AFDN: variants seen among roughly 807,000 people sequenced by gnomAD.
AFDN encodes the protein afadin.
Under a neutral mutation model 216.6 loss-of-function variants are expected in AFDN, and 68 were observed. The observed-to-expected ratio is 0.31, with a 90% CI of 0.26 to 0.38. AFDN has a LOEUF of 0.38. AFDN is among the 10% of genes least tolerant of loss of function. AFDN has a pLI of 1.00. For synonymous variants in AFDN, 868 were observed against 853.7 expected, an observed-to-expected ratio of 1.02 and a Z score of -0.29; for missense variants, 2,136 against 2,342.0, an observed-to-expected ratio of 0.91 and a Z score of 1.82.
Position 167,951,382 on chromosome 6 carries a change from C to T in AFDN, c.4028C>T (p.Thr1343Ile), listed in dbSNP as rs1416249148. ...SKSVTPASTL[T>I]KSGPGRWKTP... ...TCGGTCACCCCTGCTTCCACACTGA[C>T]CAAAAGTGGCCCTGGCCGTTGGAAA... The change falls in exon 30 of 34, where the codon ACC becomes ATC. Residue 1343 changes from threonine to isoleucine, a missense_variant. Physicochemically the swap from Thr to Ile is moderately conservative, Grantham distance 89. Transcript: ENST00000683244. The surrounding 1 kb of genome is among the most constrained non-coding windows in gnomAD (Gnocchi z 7.1). 2.5e-6 allele frequency: 4 copies of T among 1,614,054 alleles called. No homozygotes were observed. The highest frequency in any genetic ancestry group is 4.5e-5 in the East Asian group (2 of 44,868).
Position 167,962,383 on chromosome 6 carries a change from C to G in AFDN, c.4834-50C>G, listed in dbSNP as rs772769524. 4.5e-5 allele frequency: 73 copies of G among 1,609,288 alleles called. No individual in the cohort carries two copies. Among genetic ancestry groups the G allele is most frequent in the Non-Finnish European group, 5.9e-5 (70 of 1,177,810 alleles). ...TTGTCTTAATGTGTGCATTTTATGT[C>G]TTGTGCTGGTGGAGTTTGTGGAGGG... On this transcript the variant is annotated intron_variant, in intron 30 of 33. Transcript: ENST00000683244. The surrounding 1 kb of genome is among the most constrained non-coding windows in gnomAD (Gnocchi z 5.2).
intron 30 of AFDN, among the ~76,000 whole-genome samples, chr6:167,956,370 A>G (rs980816597): frequency 6.6e-6 from 1 of 152,090 alleles, no homozygotes; most frequent in Non-Finnish European, 1.5e-5. Flanking sequence ...GCTGAGTTTC[A>G]TAAAGTTGGG....
At chr6:167,918,458 C>A (rs1370952702) in intron 20 of AFDN, among the ~76,000 whole-genome samples, 1 of 150,902 alleles carries the variant, frequency 6.6e-6, no homozygotes, top group Non-Finnish European at 1.5e-5. Context: ...TGAACAATTT[C>A]TTTTTATTTA....
chr6:167,876,925 G>T (rs1785455097), intron 5 of AFDN, among the ~76,000 whole-genome samples: 1 of 152,164 alleles, frequency 6.6e-6, no homozygotes, highest in South Asian at 2.1e-4. Flanking sequence ...TAAGCTAGGG[G>T]TTTAGAAGGC....
chr6:167,951,341 G>A lies in AFDN; in HGVS notation c.3987G>A (p.Leu1329=), dbSNP rs760164523. 28 of 1,614,004 alleles carry A rather than the reference G, an allele frequency of 1.7e-5. No homozygotes were observed. The African/African-American group carries it at 2.9e-4, about 17-fold the overall frequency. The change falls in exon 30 of 34, where the codon CTG becomes CTA. Residue 1329 remains leucine, a synonymous_variant. Transcript: ENST00000683244. This position sits in a 1 kb window ranked among gnomAD's most constrained non-coding sequence, Gnocchi z 7.1. ...LDSSTSSQEH[L]NHSSKSVTPA... is the part of the protein sequence containing the mutation. ...CCAGTACCTCTAGCCAGGAGCATCT[G>A]AACCATTCCTCTAAGTCGGTCACCC...
In AFDN at chr6:167,897,198, AT is replaced by A. The variant is rs1387231024; in HGVS notation, c.1317+228del. 3.9e-5 allele frequency among the ~76,000 whole-genome samples: 6 copies of A among 152,334 alleles called. No individual in the cohort carries two copies. In the East Asian group the frequency reaches 1.2e-3, roughly 29 times the overall value. On this transcript the variant is annotated intron_variant, in intron 10 of 33. Transcript: ENST00000683244. ...TCTAGAAATTTGGGCTGGTGATGAC[AT>A]TGCTCTGAAACTGCTTCCTTTTCTC...
intron 23 of AFDN, among the ~76,000 whole-genome samples, chr6:167,934,125 C>T (rs1426381011): frequency 2.0e-5 from 3 of 152,204 alleles, no homozygotes; most frequent in Admixed American, 1.3e-4. Flanking sequence ...ATGTCGCGTG[C>T]GGTCTTTGGG....
At chr6:167,829,839 T>C (rs1779634549) in intron 1 of AFDN, among the ~76,000 whole-genome samples, 1 of 152,242 alleles carries the variant, frequency 6.6e-6, no homozygotes, top group African/African-American at 2.4e-5. Flanking sequence ...TTACATTCTT[T>C]TTTTAAGAAA....
At chr6:167,915,835 A>G (rs1319354754) in intron 19 of AFDN, among the ~76,000 whole-genome samples, 1 of 152,256 alleles carries the variant, frequency 6.6e-6, no homozygotes, top group Non-Finnish European at 1.5e-5. Context: ...GTATGAAATT[A>G]CCTTCAGTCT....
At chr6:167,897,855 A>G (rs997129723) in intron 10 of AFDN, among the ~76,000 whole-genome samples, 3 of 151,982 alleles carry the variant, frequency 2.0e-5, no homozygotes, top group African/African-American at 7.3e-5. Flanking sequence ...CATGTTGGCC[A>G]GGATAGTCTC....
At position 167,966,042 on chromosome 6, in the gene AFDN, G is replaced by A. The variant is rs1349089953; in HGVS notation, c.5254G>A (p.Ala1752Thr). ...GGAGGAGGAGGAGGACTGCAGCCTA[G>A]CAGGTCAGGATAAGTACTCCAGCAC... ...EEEEEEDCSL[A>T]GPNSYPGSTG... is the part of the protein sequence containing the mutation. Residue 1752 changes from alanine (A) to threonine (T), a missense_variant, in exon 32 of 34, where the codon GCA becomes ACA. This residue lies in a region of AFDN where 981 missense variants were observed against 966.0 expected (regional missense o/e 1.02). Coordinates refer to ENST00000683244, the MANE Select transcript of AFDN (RefSeq NM_001386888.1). 6.5e-7 allele frequency: 1 copy of A among 1,544,722 alleles called. No homozygotes were observed. Among genetic ancestry groups the A allele is most frequent in the Admixed American group, 2.0e-5 (1 of 51,012 alleles).
Position 167,962,618 on chromosome 6 carries a change from A to T in AFDN, c.4968+51A>T, listed in dbSNP as rs780049253. On this transcript the variant is annotated intron_variant, in intron 31 of 33. Coordinates refer to ENST00000683244, the MANE Select transcript of AFDN (RefSeq NM_001386888.1). This position sits in a 1 kb window ranked among gnomAD's most constrained non-coding sequence, Gnocchi z 5.2. Reference sequence around the variant, plus strand: ...AATTTTACCAAGTTAGCCTGAACGTAATCGATTGGCTGGGGCAGAGCGGGC... The same window carrying T: ...AATTTTACCAAGTTAGCCTGAACGTTATCGATTGGCTGGGGCAGAGCGGGC... 3.7e-6 allele frequency: 6 copies of T among 1,611,984 alleles called. No homozygotes were observed. Among genetic ancestry groups the T allele is most frequent in the African/African-American group, 2.7e-5 (2 of 75,008 alleles).
intron 31 of AFDN, among the ~76,000 whole-genome samples, chr6:167,965,273 A>G (rs1048669472): frequency 1.3e-5 from 2 of 152,104 alleles, no homozygotes; most frequent in Non-Finnish European, 2.9e-5. Flanking sequence ...ATGGGGGCTC[A>G]GTGAAAAAGA....
chr6:167,962,526 C>A lies in AFDN; in HGVS notation c.4927C>A (p.Arg1643=), dbSNP rs368769724. The A allele has an allele frequency of 1.4e-5, 22 of 1,613,596 alleles. No homozygotes were observed. The African/African-American group carries it at 2.3e-4, about 17-fold the overall frequency. The change falls in exon 31 of 34, where the codon CGG becomes AGG. Residue 1643 remains arginine (R), a synonymous_variant. Transcript: ENST00000683244. The surrounding 1 kb of genome is among the most constrained non-coding windows in gnomAD (Gnocchi z 5.2). ...AGCGAGGCAAGAGGAAGAGCGCCGGCGGCAGGAGGAGGAGCGAACAAAACG... is the reference window on the plus strand; with the variant it reads ...AGCGAGGCAAGAGGAAGAGCGCCGGAGGCAGGAGGAGGAGCGAACAAAACG... ...DRARQEEERR[R]QEEERTKRDA... is the part of the protein sequence containing the mutation.
chr6:167,880,491 A>T lies in AFDN; in HGVS notation c.871A>T (p.Asn291Tyr). The T allele has an allele frequency of 6.2e-7, 1 of 1,613,790 alleles. No homozygotes were observed. The highest frequency in any genetic ancestry group is 1.3e-5 in the African/African-American group (1 of 75,020). Residue 291 changes from asparagine (N) to tyrosine (Y), a missense_variant, in exon 6 of 34, where the codon AAC becomes TAC. This residue lies in a region of AFDN where 817 missense variants were observed against 965.7 expected (regional missense o/e 0.85). Coordinates refer to ENST00000683244, the MANE Select transcript of AFDN (RefSeq NM_001386888.1). ...ALEKYGLEKE[N>Y]PKDYCIARVM... Reference sequence around the variant, plus strand: ...AGAGAAGTATGGTCTGGAAAAAGAAAACCCTAAGGATTACTGCATCGCCCG... The same window carrying T: ...AGAGAAGTATGGTCTGGAAAAAGAATACCCTAAGGATTACTGCATCGCCCG...
At chr6:167,826,567 C>T, upstream of AFDN, 2 of 527,604 alleles carry the variant, frequency 3.8e-6, no homozygotes, top group South Asian at 2.8e-5. Flanking sequence ...CGTCCGGACT[C>T]TGCACCGCGC....
rs556682177 is a variant in AFDN at position 167,873,450 on chromosome 6, G to A, written c.578+1073G>A. Among the ~76,000 whole-genome samples the A allele has an allele frequency of 4.6e-5, 7 of 152,278 alleles. No homozygotes were observed. The South Asian group carries it at 1.2e-3, about 27-fold the overall frequency. ...TTTATGTAACTAGTCCATTTTTGGTGTACTTATAGATTGTTCATAGTGGTT... is the reference window on the plus strand; with the variant it reads ...TTTATGTAACTAGTCCATTTTTGGTATACTTATAGATTGTTCATAGTGGTT... On this transcript the variant is annotated intron_variant, in intron 4 of 33. Transcript: ENST00000683244.
intron 30 of AFDN, among the ~76,000 whole-genome samples, chr6:167,956,685 T>C (rs560394550): frequency 1.3e-5 from 2 of 152,328 alleles, no homozygotes; most frequent in East Asian, 3.9e-4. Context: ...CATTCTGCCT[T>C]CAGCCTTCCC....
At chr6:167,902,477 T>G (rs555565447) in intron 12 of AFDN, 91 bp downstream of exon 12, 1 of 930,570 alleles carries the variant, frequency 1.1e-6, no homozygotes, top group South Asian at 1.4e-5. Context: ...TTCCCCTTAT[T>G]TGTGGGGGAT....
Sources: allele counts gnomAD v4.1 joint callset (sites outside exome capture counted in the v4.1 genomes callset), GRCh38; gene constraint gnomAD v4.1.1; regional missense constraint gnomAD v4.1.1; non-coding constraint Gnocchi (gnomAD v3.1); transcripts MANE v1.5; gene names NCBI Gene and HGNC (gene_info 2026-07-23, HGNC 2026-07-21).